The following DPYD variants were observed in gnomAD, a reference collection of about 807,000 sequenced individuals.
DPYD encodes the protein dihydropyrimidine dehydrogenase.
A neutral mutation model predicts 116.2 loss-of-function variants in DPYD; 109 were observed. That is an observed-to-expected ratio of 0.94 (90% CI 0.80 to 1.10). DPYD has a LOEUF of 1.10. Among genes scored for constraint, DPYD ranks in the 50% least tolerant of loss-of-function variants. The probability of loss-of-function intolerance (pLI) is 0.00; values close to 1 mark genes in which losing one functional copy is unlikely to be tolerated. For missense variants in DPYD, 1,302 were observed against 1,254.5 expected (o/e 1.04, Z -0.57); for synonymous variants, 440 against 432.0 (o/e 1.02, Z -0.23).
intron 4 of DPYD, among the ~76,000 whole-genome samples, chr1:97,731,370 T>C (rs554800849): frequency 1.3e-5 from 2 of 152,162 alleles, no homozygotes; most frequent in African/African-American, 4.8e-5. Flanking sequence ...TTAGTATCGA[T>C]TCTAATAATT....
intron 8 of DPYD, among the ~76,000 whole-genome samples, chr1:97,675,248 T>C (rs777438958): frequency 2.0e-4 from 30 of 152,190 alleles, no homozygotes; most frequent in Middle Eastern, 3.2e-3. Context: ...AAGCCTTGTA[T>C]AGTAGATGTT....
At chr1:97,778,627 A>T (rs909624642) in intron 3 of DPYD, among the ~76,000 whole-genome samples, 8 of 152,176 alleles carry the variant, frequency 5.3e-5, no homozygotes, top group African/African-American at 9.6e-5. Context: ...TATATCTTAA[A>T]ACATGTAAAC....
chr1:97,733,483 T>A (rs1012126694), intron 4 of DPYD, among the ~76,000 whole-genome samples: 22 of 151,996 alleles, frequency 1.4e-4, no homozygotes, highest in African/African-American at 3.6e-4. Flanking sequence ...CACATTACTA[T>A]GCAATTTGTC....
chr1:97,818,298 T>C (rs1931064), intron 3 of DPYD, among the ~76,000 whole-genome samples: 122,335 of 151,868 alleles, frequency 0.81, 49,382 homozygotes, highest in East Asian at 0.98. Context: ...AACAAACCAA[T>C]GCTTAGATTA....
intron 14 of DPYD, among the ~76,000 whole-genome samples, chr1:97,385,857 C>T (rs1672314452): frequency 6.6e-6 from 1 of 152,114 alleles, no homozygotes; most frequent in Non-Finnish European, 1.5e-5. Flanking sequence ...TTTTACATGG[C>T]AATTTTAATT....
chr1:97,517,044 T>C (rs1425480178), intron 12 of DPYD, among the ~76,000 whole-genome samples: 2 of 151,968 alleles, frequency 1.3e-5, no homozygotes, highest in Non-Finnish European at 2.9e-5. Flanking sequence ...AAGATTTCCA[T>C]GACTTGCATA....
rs1397960785 is a variant in DPYD at position 97,671,286 on chromosome 1, AC to A, written c.850+7808del. On this transcript the variant is annotated intron_variant, in intron 8 of 22. Coordinates refer to ENST00000370192, the MANE Select transcript of DPYD (RefSeq NM_000110.4). ...GTAGAAAAAGCCATGATTTTAAAAA[AC>A]ATTTCCTTATATCATCATCTTCATC... Among the ~76,000 whole-genome samples, 5 of 152,236 alleles carry A rather than the reference AC, an allele frequency of 3.3e-5. No individual in the cohort carries two copies. The East Asian group carries it at 9.7e-4, about 29-fold the overall frequency.
At chr1:97,870,874 A>G (rs1671621549) in intron 2 of DPYD, among the ~76,000 whole-genome samples, 1 of 151,846 alleles carries the variant, frequency 6.6e-6, no homozygotes, top group African/African-American at 2.4e-5. Context: ...GGCCTCTAGC[A>G]TTTTACGTGG....
In DPYD at chr1:97,556,073, G is replaced by A. The variant is rs570611366; in HGVS notation, c.1340-6329C>T. Among the ~76,000 whole-genome samples the A allele has an allele frequency of 5.3e-5, 8 of 152,306 alleles. 1 individual carries two copies. In the South Asian group the frequency reaches 1.7e-3, roughly 32 times the overall value. On this transcript the variant is annotated intron_variant, in intron 11 of 22. Coordinates refer to ENST00000370192, the MANE Select transcript of DPYD (RefSeq NM_000110.4). ...GCTTCAGAGCCTGAAATAGGGTGAG[G>A]TGAGTGAGGCAGACAAAGAACAAAA...
At chr1:97,371,415 T>C (rs1304307819) in intron 16 of DPYD, among the ~76,000 whole-genome samples, 2 of 152,150 alleles carry the variant, frequency 1.3e-5, no homozygotes, top group African/African-American at 4.8e-5. Flanking sequence ...CTAGAATGAC[T>C]CTTCAGTCCC....
chr1:97,634,598 T>G (rs1463198109), intron 8 of DPYD, among the ~76,000 whole-genome samples: 1 of 151,970 alleles, frequency 6.6e-6, no homozygotes, highest in Non-Finnish European at 1.5e-5. Context: ...TACCAAGAAA[T>G]TCATCCACAA....
In DPYD at chr1:97,868,183, C is replaced by A. The variant is rs750157693; in HGVS notation, c.150+15081G>T. Among the ~76,000 whole-genome samples the A allele has an allele frequency of 2.0e-4, 30 of 150,824 alleles. No individual in the cohort carries two copies. The South Asian group carries it at 2.7e-3, about 14-fold the overall frequency. ...TTCCAAGGAGTTAAACTATTTATAT[C>A]ATGAAAACCATAAATCTTTGAAGAA... is the stretch of plus-strand genomic sequence containing the variant. On this transcript the variant is annotated intron_variant, in intron 2 of 22. Transcript: ENST00000370192.
rs200007060 is a variant in DPYD, at chr1:97,449,101, C to CT, written c.1905+957dup. On this transcript the variant is annotated intron_variant, in intron 14 of 22. Transcript: ENST00000370192. ...AGGCAATCATGTGATTTCTATATTC[C>CT]TTTGTAAGAATTTGCAATTTATCAG... 7.0e-3 allele frequency among the ~76,000 whole-genome samples: 1,069 copies of CT among 151,948 alleles called. 7 individuals are homozygous for CT. Among genetic ancestry groups the CT allele is most frequent in the East Asian group, 0.029 (149 of 5,174 alleles).
chr1:97,222,192 A>C (rs1281862925), intron 19 of DPYD, among the ~76,000 whole-genome samples: 2 of 152,140 alleles, frequency 1.3e-5, no homozygotes, highest in African/African-American at 4.8e-5. Flanking sequence ...CAGACCGTTA[A>C]TTAGTCACAT....
intron 15 of DPYD, 121 bp downstream of exon 15, chr1:97,382,272 A>C (rs1672016212): frequency 5.8e-6 from 3 of 519,926 alleles, no homozygotes; most frequent in Non-Finnish European, 1.0e-5. Context: ...GAAATGTTTT[A>C]AGTTACATTT....
chr1:97,672,448 C>A (rs1049447232), intron 8 of DPYD, among the ~76,000 whole-genome samples: 1 of 151,876 alleles, frequency 6.6e-6, no homozygotes, highest in Non-Finnish European at 1.5e-5. Context: ...ATCTTGGGAG[C>A]CATTTTACAA....
chr1:97,645,207 A>T (rs780850123), intron 8 of DPYD, among the ~76,000 whole-genome samples: 1 of 152,072 alleles, frequency 6.6e-6, no homozygotes, highest in Non-Finnish European at 1.5e-5. Flanking sequence ...ACATTGTTTC[A>T]TGTATGTAAT....
Position 97,728,795 on chromosome 1 carries a change from CAG to C in DPYD, c.322-7126_322-7125del, listed in dbSNP as rs1663413580. On this transcript the variant is annotated intron_variant, in intron 4 of 22. Transcript: ENST00000370192. ...TAGAAAATGTCTCTAGCACCACACA[CAG>C]AAAGTACATGCACACAGAACACTCT... 2.0e-5 allele frequency among the ~76,000 whole-genome samples: 3 copies of C among 152,178 alleles called. No homozygotes were observed. In the East Asian group the frequency reaches 5.8e-4, roughly 29 times the overall value.
chr1:97,482,577 C>T (rs1398517859), intron 13 of DPYD, among the ~76,000 whole-genome samples: 2 of 152,144 alleles, frequency 1.3e-5, no homozygotes, highest in African/African-American at 4.8e-5. Flanking sequence ...TAAAATGATA[C>T]ATCCAGGCCA....
Sources: allele counts gnomAD v4.1 joint callset (sites outside exome capture counted in the v4.1 genomes callset), GRCh38; gene constraint gnomAD v4.1.1; transcripts MANE v1.5; gene names NCBI Gene and HGNC (gene_info 2026-07-23, HGNC 2026-07-21).